The following KCNB2 variants were observed in gnomAD, a reference collection of about 807,000 sequenced individuals.
KCNB2 encodes the protein potassium voltage-gated channel subfamily B member 2.
KCNB2 carries 15 observed loss-of-function variants against 61.5 expected under a neutral mutation model. The observed-to-expected ratio is 0.24, with a 90% CI of 0.16 to 0.38. KCNB2 has a LOEUF of 0.38. Among genes scored for constraint, KCNB2 ranks in the 10% least tolerant of loss-of-function variants. The pLI, the probability that KCNB2 is intolerant of heterozygous loss-of-function variation, is 1.00. For missense variants in KCNB2, 828 were observed against 1,125.2 expected (o/e 0.74, Z 3.78); for synonymous variants, 457 against 446.0 (o/e 1.02, Z -0.31).
At chr8:72,610,130 A>G (rs1034149192) in intron 2 of KCNB2, among the ~76,000 whole-genome samples, 2 of 152,212 alleles carry the variant, frequency 1.3e-5, no homozygotes, top group Non-Finnish European at 2.9e-5. Context: ...CTTCAAATCA[A>G]TGAATAGAAA....
At chr8:72,614,817 A>T (rs569521368) in intron 2 of KCNB2, among the ~76,000 whole-genome samples, 2 of 152,212 alleles carry the variant, frequency 1.3e-5, no homozygotes, top group Non-Finnish European at 2.9e-5. Flanking sequence ...TTTAGAGGAG[A>T]CATGATTTCC....
At chr8:72,569,609 A>C (rs1412517610) in intron 2 of KCNB2, among the ~76,000 whole-genome samples, 3 of 150,564 alleles carry the variant, frequency 2.0e-5, no homozygotes, top group Non-Finnish European at 4.4e-5. Flanking sequence ...GTTTTGGATA[A>C]GTTGTTTACT....
chr8:72,904,367 G>T (rs761267368), intron 2 of KCNB2, among the ~76,000 whole-genome samples: 1 of 151,970 alleles, frequency 6.6e-6, no homozygotes, highest in East Asian at 1.9e-4. Context: ...TTTAACACAG[G>T]GGGTAGAAGG....
intron 1 of KCNB2, among the ~76,000 whole-genome samples, chr8:72,566,120 A>C (rs1806621753): frequency 6.6e-6 from 1 of 152,322 alleles, no homozygotes; most frequent in East Asian, 1.9e-4. Flanking sequence ...CAGGAGCTTA[A>C]AAGGGAATGT....
chr8:72,675,891 C>G (rs914427515), intron 2 of KCNB2, among the ~76,000 whole-genome samples: 3 of 152,084 alleles, frequency 2.0e-5, no homozygotes, highest in African/African-American at 7.2e-5. Context: ...ATCATTCTAT[C>G]AGATGTAAGA....
In KCNB2 at chr8:72,580,517, C is replaced by T. The variant is rs572025626; in HGVS notation, c.579+12204C>T. On this transcript the variant is annotated intron_variant, in intron 2 of 2. Coordinates refer to ENST00000523207, the MANE Select transcript of KCNB2 (RefSeq NM_004770.3). ...TTTATCACTTAAAATCATCTTATAC[C>T]GTACCCACTTGCTATCCCACAGGAC... Among the ~76,000 whole-genome samples the T allele has an allele frequency of 5.3e-5, 8 of 152,244 alleles. No homozygotes were observed. In the South Asian group the frequency reaches 6.2e-4, roughly 12 times the overall value.
chr8:72,934,967 C>G (rs969328730), intron 2 of KCNB2, among the ~76,000 whole-genome samples: 2 of 152,030 alleles, frequency 1.3e-5, no homozygotes, highest in African/African-American at 4.8e-5. Flanking sequence ...TTTGTCCTTC[C>G]AGACTGCAGT....
intron 2 of KCNB2, among the ~76,000 whole-genome samples, chr8:72,686,491 G>A (rs956344270): frequency 1.3e-5 from 2 of 152,104 alleles, no homozygotes; most frequent in African/African-American, 4.8e-5. Flanking sequence ...GGGATTACAG[G>A]CATGCACCAC....
chr8:72,707,499 G>A (rs910316734), intron 2 of KCNB2, among the ~76,000 whole-genome samples: 5 of 152,094 alleles, frequency 3.3e-5, no homozygotes, highest in Non-Finnish European at 7.4e-5. Flanking sequence ...GCCTCAAATG[G>A]AACAAAAGGA....
At chr8:72,752,660 C>G (rs1025801) in intron 2 of KCNB2, among the ~76,000 whole-genome samples, 106,362 of 152,042 alleles carry the variant, frequency 0.7, 38,264 homozygotes, top group African/African-American at 0.87. Context: ...GTAGATGGCA[C>G]GTCGTGGGAT....
rs186918862 is a variant in KCNB2, at chr8:72,884,395, A to T, written c.580-51540A>T. ...GCCGGGGGAGGGGAGTGGGTTGTGT[A>T]TGCGTGTGCACGTGTGTGTATGTGT... On this transcript the variant is annotated intron_variant, in intron 2 of 2. Transcript: ENST00000523207. 2.3e-3 allele frequency among the ~76,000 whole-genome samples: 351 copies of T among 152,068 alleles called. 1 individual carries two copies. The highest frequency in any genetic ancestry group is 8.1e-3 in the African/African-American group (338 of 41,480).
intron 2 of KCNB2, among the ~76,000 whole-genome samples, chr8:72,657,109 G>C (rs193206796): frequency 7.9e-5 from 12 of 152,140 alleles, no homozygotes; most frequent in African/African-American, 2.9e-4. Context: ...ATATTTCTGT[G>C]TTTAAAACAT....
chr8:72,730,100 C>A (rs191806702), intron 2 of KCNB2, among the ~76,000 whole-genome samples: 5 of 152,232 alleles, frequency 3.3e-5, no homozygotes, highest in Admixed American at 1.3e-4. Context: ...CATCATCCCA[C>A]ATAGGAAGCC....
intron 2 of KCNB2, among the ~76,000 whole-genome samples, chr8:72,689,306 A>G (rs1746763262): frequency 6.6e-6 from 1 of 152,208 alleles, no homozygotes; most frequent in South Asian, 2.1e-4. Flanking sequence ...ATAGACACAC[A>G]AGCAATAAAT....
At chr8:72,570,298 G>A (rs2128979259) in intron 2 of KCNB2, among the ~76,000 whole-genome samples, 1 of 152,240 alleles carries the variant, frequency 6.6e-6, no homozygotes, top group Non-Finnish European at 1.5e-5. Context: ...TGGTATATTT[G>A]TTTCCACATT....
At chr8:72,933,716 G>A (rs1806840240) in intron 2 of KCNB2, among the ~76,000 whole-genome samples, 1 of 152,186 alleles carries the variant, frequency 6.6e-6, no homozygotes, top group South Asian at 2.1e-4. Context: ...AGGGATTCAA[G>A]GTGAGCATTC....
At chr8:72,933,864 A>G (rs557326399) in intron 2 of KCNB2, among the ~76,000 whole-genome samples, 2 of 152,222 alleles carry the variant, frequency 1.3e-5, no homozygotes, top group East Asian at 1.9e-4. Context: ...TGATACACTG[A>G]TCCATATTTT....
At chr8:72,855,307 C>T (rs968414343) in intron 2 of KCNB2, among the ~76,000 whole-genome samples, 1 of 152,180 alleles carries the variant, frequency 6.6e-6, no homozygotes, top group Non-Finnish European at 1.5e-5. Context: ...ACTCTCTTCA[C>T]CCCCATCTCA....
Position 72,604,301 on chromosome 8 carries a change from G to A in KCNB2, c.579+35988G>A, listed in dbSNP as rs190437010. On this transcript the variant is annotated intron_variant, in intron 2 of 2. Transcript: ENST00000523207. Reference sequence around the variant, plus strand: ...TATAATCTATTACTGATACTTATGCGTATGAATCCTTCTCTAAGGTAGAGA... The same window carrying A: ...TATAATCTATTACTGATACTTATGCATATGAATCCTTCTCTAAGGTAGAGA... Among the ~76,000 whole-genome samples, 23 of 152,240 alleles carry A rather than the reference G, an allele frequency of 1.5e-4. No homozygotes were observed. In the South Asian group the frequency reaches 3.5e-3, roughly 23 times the overall value.
Sources: allele counts gnomAD v4.1 joint callset (sites outside exome capture counted in the v4.1 genomes callset), GRCh38; gene constraint gnomAD v4.1.1; transcripts MANE v1.5; gene names NCBI Gene and HGNC (gene_info 2026-07-23, HGNC 2026-07-21).